The following EPB41 variants were observed in gnomAD, a reference collection of about 807,000 sequenced individuals.
EPB41 encodes protein 4.1.
In EPB41, 65 loss-of-function variants were observed where a neutral mutation model predicts 108.0. The ratio of observed to expected loss-of-function variants is 0.60; its 90% CI spans 0.49 to 0.74. The LOEUF (loss-of-function observed/expected upper bound fraction) is 0.74, where lower values mean the gene tolerates loss of function less well. EPB41 is among the 30% of genes least tolerant of loss of function. EPB41 has a pLI of 0.00. For synonymous variants in EPB41, 336 were observed against 358.9 expected, an observed-to-expected ratio of 0.94 and a Z score of 0.72; for missense variants, 875 against 1,037.0, an observed-to-expected ratio of 0.84 and a Z score of 2.15.
chr1:28,967,340 G>T (rs1469765711), intron 1 of EPB41, among the ~76,000 whole-genome samples: 1 of 152,090 alleles, frequency 6.6e-6, no homozygotes, highest in Non-Finnish European at 1.5e-5. Flanking sequence ...CAGTTCTTCA[G>T]GAAAATGTGT....
intron 7 of EPB41, among the ~76,000 whole-genome samples, chr1:29,026,184 A>G (rs551609531): frequency 4.5e-4 from 69 of 152,280 alleles, no homozygotes; most frequent in African/African-American, 1.4e-3. Context: ...TGTGGCTGCA[A>G]TGAGAGATTA....
chr1:28,921,497 T>C (rs1465367049), intron 1 of EPB41, among the ~76,000 whole-genome samples: 1 of 152,148 alleles, frequency 6.6e-6, no homozygotes, highest in African/African-American at 2.4e-5. Flanking sequence ...CCTCAAATTT[T>C]ACCTGCCTAC....
chr1:29,070,363 G>T, intron 16 of EPB41: 1 of 1,232,000 alleles, frequency 8.1e-7, no homozygotes, highest in South Asian at 4.1e-5. Flanking sequence ...TGTGAAAGCA[G>T]ACACAGGAAC....
At chr1:29,040,560 T>G (rs1572914900) in intron 11 of EPB41, among the ~76,000 whole-genome samples, 1 of 152,084 alleles carries the variant, frequency 6.6e-6, no homozygotes. Context: ...AGATTATGGG[T>G]GTGATCCACC....
At chr1:28,988,122 G>C (rs1185135113) in intron 2 of EPB41, among the ~76,000 whole-genome samples, 1 of 152,168 alleles carries the variant, frequency 6.6e-6, no homozygotes, top group African/African-American at 2.4e-5. Context: ...AATTAGCCGG[G>C]CCTGATGGCG....
intron 1 of EPB41, among the ~76,000 whole-genome samples, chr1:28,902,897 C>T (rs1570194540): frequency 6.6e-6 from 1 of 152,240 alleles, no homozygotes; most frequent in East Asian, 1.9e-4. Context: ...AAGACGCCTA[C>T]TTGACCTCAC....
intron 1 of EPB41, among the ~76,000 whole-genome samples, chr1:28,899,604 C>T (rs2091065857): frequency 6.6e-6 from 1 of 152,124 alleles, no homozygotes; most frequent in African/African-American, 2.4e-5. Flanking sequence ...TGGAACCATC[C>T]TCGGGAGCTA....
intron 16 of EPB41, among the ~76,000 whole-genome samples, chr1:29,077,787 A>T (rs1654718427): frequency 6.6e-6 from 1 of 152,234 alleles, no homozygotes; most frequent in African/African-American, 2.4e-5. Flanking sequence ...ACATAAAATG[A>T]ATGTGATTAT....
intron 1 of EPB41, among the ~76,000 whole-genome samples, chr1:28,931,824 G>A (rs1467674928): frequency 6.6e-6 from 1 of 151,934 alleles, no homozygotes; most frequent in Non-Finnish European, 1.5e-5. Context: ...GTGAGCCACC[G>A]CGCCCGACCA....
chr1:29,011,820 A>C, intron 4 of EPB41, 45 bp from the exon 5 acceptor site: 2 of 1,608,496 alleles, frequency 1.2e-6, no homozygotes, highest in Non-Finnish European at 1.7e-6. Flanking sequence ...TCTGTTGTTT[A>C]TGTGTTTTGG....
chr1:29,002,396 G>A (rs573893686), intron 4 of EPB41, among the ~76,000 whole-genome samples: 21 of 151,330 alleles, frequency 1.4e-4, no homozygotes, highest in African/African-American at 5.1e-4. Context: ...AGGCTGCAGT[G>A]AGCCATGAGT....
chr1:29,004,020 G>T lies in EPB41; in HGVS notation c.786+6701G>T, dbSNP rs114249703. On this transcript the variant is annotated intron_variant, in intron 4 of 20. Coordinates refer to ENST00000343067, the MANE Select transcript of EPB41 (RefSeq NM_001376013.1). ...TCAGGTGATCCAACTGCCTTGCCTC[G>T]CAAAGTGCTGGAATTACAGGCATGA... is the stretch of plus-strand genomic sequence containing the variant. 3.6e-3 allele frequency among the ~76,000 whole-genome samples: 545 copies of T among 152,276 alleles called. 1 individual carries two copies. The highest frequency in any genetic ancestry group is 9.2e-3 in the African/African-American group (381 of 41,568).
intron 1 of EPB41, among the ~76,000 whole-genome samples, chr1:28,956,099 G>T (rs2094938475): frequency 6.6e-6 from 1 of 152,202 alleles, no homozygotes; most frequent in Non-Finnish European, 1.5e-5. Flanking sequence ...TGCAGTCAGT[G>T]CTGTGAGTCA....
chr1:28,920,967 C>T, intron 1 of EPB41, among the ~76,000 whole-genome samples: 1 of 152,096 alleles, frequency 6.6e-6, no homozygotes, highest in South Asian at 2.1e-4. Context: ...GGGAGTCTCT[C>T]TATGTTGCTG....
At chr1:28,920,555 A>G (rs1053899381) in intron 1 of EPB41, among the ~76,000 whole-genome samples, 2 of 152,240 alleles carry the variant, frequency 1.3e-5, no homozygotes, top group Non-Finnish European at 2.9e-5. Context: ...TAAATCATAA[A>G]AAAGTTATGA....
At chr1:28,921,975 GT>G (rs61105878) in intron 1 of EPB41, among the ~76,000 whole-genome samples, 1 of 101,814 alleles carries the variant, frequency 9.8e-6, no homozygotes, top group Non-Finnish European at 1.7e-5. Context: ...CTTTTTTTTT[GT>G]TTTTTTTTTT....
chr1:29,070,611 T>C (rs1181776478), intron 16 of EPB41: 10 of 1,232,164 alleles, frequency 8.1e-6, no homozygotes, highest in Non-Finnish European at 1.0e-5. Flanking sequence ...TTGGTCTTTC[T>C]GTGATCAGAA....
intron 1 of EPB41, among the ~76,000 whole-genome samples, chr1:28,946,783 A>G (rs1028190525): frequency 4.6e-5 from 7 of 152,230 alleles, no homozygotes; most frequent in African/African-American, 1.7e-4. Context: ...TGGTTTAAAT[A>G]TCAAAGGGCT....
chr1:29,002,165 T>C (rs1442384117), intron 4 of EPB41, among the ~76,000 whole-genome samples: 4 of 152,194 alleles, frequency 2.6e-5, no homozygotes, highest in Non-Finnish European at 5.9e-5. Context: ...ATCATTATTA[T>C]TATGATAGTA....
Sources: allele counts gnomAD v4.1 joint callset (sites outside exome capture counted in the v4.1 genomes callset), GRCh38; gene constraint gnomAD v4.1.1; transcripts MANE v1.5; gene names NCBI Gene and HGNC (gene_info 2026-07-23, HGNC 2026-07-21).